The following FGD4 variants were observed in gnomAD, a reference collection of about 807,000 sequenced individuals.
FGD4 encodes FYVE, RhoGEF and PH domain containing 4, also known as FYVE, RhoGEF and PH domain-containing protein 4.
FGD4 carries 42 observed loss-of-function variants against 102.0 expected under a neutral mutation model. That is an observed-to-expected ratio of 0.41 (90% CI 0.32 to 0.53). FGD4 has a LOEUF of 0.53. Among genes scored for constraint, FGD4 ranks in the 20% least tolerant of loss-of-function variants. The probability of loss-of-function intolerance (pLI) is 0.21; values close to 1 mark genes in which losing one functional copy is unlikely to be tolerated. For synonymous variants in FGD4, 380 were observed against 375.7 expected, an observed-to-expected ratio of 1.01 and a Z score of -0.13; for missense variants, 902 against 1,078.2, an observed-to-expected ratio of 0.84 and a Z score of 2.29.
intron 1 of FGD4, among the ~76,000 whole-genome samples, chr12:32,442,570 T>TG (rs1249703295): frequency 1.4e-5 from 2 of 148,096 alleles, no homozygotes; most frequent in Non-Finnish European, 3.0e-5. Flanking sequence ...CCTTTTTTTT[T>TG]TTTTTTTTTT....
intron 1 of FGD4, among the ~76,000 whole-genome samples, chr12:32,479,266 A>G (rs547509932): frequency 3.3e-5 from 5 of 152,146 alleles, no homozygotes; most frequent in Non-Finnish European, 7.3e-5. Flanking sequence ...CCTCACAACT[A>G]TACTTAATCA....
intron 1 of FGD4, among the ~76,000 whole-genome samples, chr12:32,418,681 A>G (rs1941515688): frequency 1.3e-5 from 2 of 152,094 alleles, no homozygotes; most frequent in Admixed American, 1.3e-4. Flanking sequence ...ATAGCACTCG[A>G]TCTTGCCCAA....
intron 14 of FGD4, among the ~76,000 whole-genome samples, chr12:32,632,812 C>T (rs939060434): frequency 6.6e-5 from 10 of 151,358 alleles, no homozygotes; most frequent in African/African-American, 2.2e-4. Context: ...CAAGCATCTG[C>T]CCTTCTCGGC....
At chr12:32,591,867 G>A (rs1947503816) in intron 4 of FGD4, among the ~76,000 whole-genome samples, 1 of 152,218 alleles carries the variant, frequency 6.6e-6, no homozygotes, top group Non-Finnish European at 1.5e-5. Flanking sequence ...TACTGGAGGT[G>A]TGAAGGCAGA....
In FGD4 at chr12:32,564,253, C is replaced by T. The variant is rs1343516231; in HGVS notation, c.283C>T (p.Pro95Ser). 3 of 1,536,100 alleles carry T rather than the reference C, an allele frequency of 2.0e-6. No homozygotes were observed. The highest frequency in any genetic ancestry group is 2.6e-6 in the Non-Finnish European group (3 of 1,146,894). ...GGCTCAGGGAATAAATGGGAACAGG[C>T]CAGCAAAACACTCAGCTGCAAGTCC... ...EEAQGINGNR[P>S]AKHSAASPKP... Residue 95 changes from proline to serine, a missense_variant, in exon 2 of 17, where the codon CCA becomes TCA. Physicochemically the swap from Pro to Ser is moderately conservative, Grantham distance 74. Around this residue, in one of 2 missense-constraint regions of FGD4, gnomAD observed 443 missense variants for 459.2 expected, o/e 0.96. Transcript: ENST00000534526.
At chr12:32,578,773 G>A (rs1380067632) in intron 3 of FGD4, among the ~76,000 whole-genome samples, 2 of 151,910 alleles carry the variant, frequency 1.3e-5, no homozygotes, top group East Asian at 1.9e-4. Flanking sequence ...CAAGGCTGCA[G>A]TGAGCCGAGA....
rs140227421 is a variant in FGD4 at position 32,585,222 on chromosome 12, T to TTATATATATA, written c.1011+2781_1011+2790dup. Among the ~76,000 whole-genome samples, 249 of 116,106 alleles carry TTATATATATA rather than the reference T, an allele frequency of 2.1e-3. 2 individuals carry two copies. The highest frequency in any genetic ancestry group is 4.2e-3 in the Middle Eastern group (1 of 238). The allele number at this position is 116,106 out of a possible 152,430, so 76.2% of individuals were successfully genotyped here. ...AGAGTGAGACCCTGTCTCAAAAATTTTATATATATATATATATATATATAT... is the reference window on the plus strand; with the variant it reads ...AGAGTGAGACCCTGTCTCAAAAATTTTATATATATATATATATATATATATATATATATAT... On this transcript the variant is annotated intron_variant, in intron 4 of 16. Coordinates refer to ENST00000534526, the MANE Select transcript of FGD4 (RefSeq NM_001370298.3).
chr12:32,615,967 G>A (rs756250777), intron 10 of FGD4, among the ~76,000 whole-genome samples: 2 of 152,138 alleles, frequency 1.3e-5, no homozygotes, highest in Non-Finnish European at 2.9e-5. Flanking sequence ...ACTCTCTCTA[G>A]GAATCGGGTA....
At chr12:32,533,587 G>A (rs1021011133) in intron 1 of FGD4, among the ~76,000 whole-genome samples, 4 of 152,020 alleles carry the variant, frequency 2.6e-5, no homozygotes, top group East Asian at 1.9e-4. Context: ...CACCACACCC[G>A]GCTAATTGTT....
At chr12:32,480,726 C>T (rs1363522350) in intron 1 of FGD4, among the ~76,000 whole-genome samples, 5 of 151,314 alleles carry the variant, frequency 3.3e-5, no homozygotes, top group African/African-American at 7.3e-5. Flanking sequence ...CTCTTGCTCT[C>T]CTGACCTCGT....
chr12:32,595,717 G>C lies in FGD4; in HGVS notation c.1012-2780G>C, dbSNP rs112159217. Among the ~76,000 whole-genome samples the C allele has an allele frequency of 1.6e-3, 237 of 152,288 alleles. 2 individuals carry two copies. The highest frequency in any genetic ancestry group is 5.5e-3 in the African/African-American group (228 of 41,560). On this transcript the variant is annotated intron_variant, in intron 4 of 16. Transcript: ENST00000534526. ...AAATGAGGGGTGGGAAATATGCCAG[G>C]CTGGCAACCAACAATGCCAGTACTT...
chr12:32,564,102 A>G (rs1944981936), intron 1 of FGD4, 35 bp from the exon 2 acceptor site: 3 of 1,528,366 alleles, frequency 2.0e-6, no homozygotes, highest in Middle Eastern at 1.7e-4. Flanking sequence ...ATATGCCTCC[A>G]TACTTACCTG....
intron 1 of FGD4, among the ~76,000 whole-genome samples, chr12:32,518,646 T>C (rs964445527): frequency 1.3e-5 from 2 of 152,350 alleles, no homozygotes; most frequent in South Asian, 2.1e-4. Flanking sequence ...TGTTTTTGTG[T>C]CCATGGCATT....
intron 1 of FGD4, among the ~76,000 whole-genome samples, chr12:32,518,010 C>T (rs1247189905): frequency 6.9e-6 from 1 of 145,262 alleles, no homozygotes; most frequent in Admixed American, 6.9e-5. Context: ...CTACTTTCTG[C>T]CATCATCATA....
intron 1 of FGD4, among the ~76,000 whole-genome samples, chr12:32,493,837 A>G (rs904640022): frequency 3.3e-5 from 5 of 152,254 alleles, no homozygotes; most frequent in Admixed American, 6.5e-5. Flanking sequence ...CCATTGGAAT[A>G]GATAGAAAGT....
chr12:32,602,025 G>A, intron 6 of FGD4, 136 bp from the exon 7 acceptor site: 1 of 737,726 alleles, frequency 1.4e-6, no homozygotes, highest in Non-Finnish European at 2.3e-6. Context: ...TGAAGCTGGA[G>A]GATTGATTGA....
intron 1 of FGD4, among the ~76,000 whole-genome samples, chr12:32,427,680 T>A (rs1440577726): frequency 6.6e-6 from 1 of 152,198 alleles, no homozygotes; most frequent in African/African-American, 2.4e-5. Flanking sequence ...TCTCCCACTA[T>A]TATTGTGTAG....
chr12:32,415,823 T>TA (rs1218380380), intron 1 of FGD4, among the ~76,000 whole-genome samples: 2 of 152,236 alleles, frequency 1.3e-5, no homozygotes, highest in African/African-American at 4.8e-5. Flanking sequence ...TGTGTTTTCT[T>TA]ACAGTTTTTC....
At position 32,619,393 on chromosome 12, in the gene FGD4, C is replaced by T. The variant is rs1388146905; in HGVS notation, c.1750-305C>T. Among the ~76,000 whole-genome samples the T allele has an allele frequency of 3.9e-5, 6 of 152,068 alleles. No homozygotes were observed. The South Asian group carries it at 1.0e-3, about 26-fold the overall frequency. ...CCTGTAATCCCAGCACTTTGGGAGG[C>T]TGAGGCGGGCGGATCACGAGGTCAG... On this transcript the variant is annotated intron_variant, in intron 10 of 16. Transcript: ENST00000534526.
Sources: allele counts gnomAD v4.1 joint callset (sites outside exome capture counted in the v4.1 genomes callset), GRCh38; gene constraint gnomAD v4.1.1; regional missense constraint gnomAD v4.1.1; transcripts MANE v1.5; gene names NCBI Gene and HGNC (gene_info 2026-07-23, HGNC 2026-07-21).